Variants in LRRC49 observed in about 807,000 individuals in gnomAD.
The protein encoded by LRRC49 is leucine rich repeat containing 49.
In LRRC49, 50 loss-of-function variants were observed where a neutral mutation model predicts 83.3. The observed-to-expected ratio is 0.60, with a 90% CI of 0.48 to 0.76. LRRC49 has a LOEUF of 0.76. LRRC49 is among the 30% of genes least tolerant of loss of function. The probability of loss-of-function intolerance (pLI) is 0.00; values close to 1 mark genes in which losing one functional copy is unlikely to be tolerated. For missense variants in LRRC49, 704 were observed against 809.1 expected, an observed-to-expected ratio of 0.87 and a Z score of 1.58; for synonymous variants, 286 against 283.3, an observed-to-expected ratio of 1.01 and a Z score of -0.10.
At chr15:70,982,647 T>C (rs1195047780) in intron 10 of LRRC49, among the ~76,000 whole-genome samples, 1 of 152,142 alleles carries the variant, frequency 6.6e-6, no homozygotes, top group Non-Finnish European at 1.5e-5. Flanking sequence ...GGTCTTGCTG[T>C]GTTGCCCAGG....
intron 9 of LRRC49, among the ~76,000 whole-genome samples, chr15:70,979,697 T>C (rs2037331247): frequency 6.6e-6 from 1 of 152,128 alleles, no homozygotes; most frequent in Non-Finnish European, 1.5e-5. Flanking sequence ...AAAGTTCTGA[T>C]TTTCTATCAC....
chr15:70,903,143 A>G (rs1486759581), intron 4 of LRRC49, among the ~76,000 whole-genome samples: 1 of 152,178 alleles, frequency 6.6e-6, no homozygotes, highest in East Asian at 1.9e-4. Flanking sequence ...GAAAAAGAAA[A>G]AGACTGAAGC....
At position 70,911,440 on chromosome 15, in the gene LRRC49, A is replaced by T. The variant is rs534644700; in HGVS notation, c.501-92A>T. On this transcript the variant is annotated intron_variant, in intron 5 of 15. Transcript: ENST00000260382. ...ACTATATATGTAGATAGAGTAAATT[A>T]AAATGAGTTACACCTTTATGCCTTA... The T allele has an allele frequency of 7.3e-5, 47 of 646,454 alleles. No homozygotes were observed. The East Asian group carries it at 1.3e-3, about 18-fold the overall frequency. 40.0% of individuals were successfully genotyped at this position (646,454 alleles called of 1,614,324 possible).
intron 1 of LRRC49, chr15:70,858,851 G>C: frequency 1.3e-6 from 1 of 770,066 alleles, no homozygotes; most frequent in Non-Finnish European, 2.3e-6. Flanking sequence ...AGCAGCTTCT[G>C]GGGTGGCCTG....
intron 14 of LRRC49, among the ~76,000 whole-genome samples, chr15:71,031,610 A>G (rs774175208): frequency 4.6e-5 from 7 of 152,192 alleles, no homozygotes; most frequent in East Asian, 1.9e-4. Flanking sequence ...AGCTGTGCCC[A>G]TAGCCACCCC....
At chr15:70,882,550 G>C (rs999743278) in intron 2 of LRRC49, 4 of 1,613,644 alleles carry the variant, frequency 2.5e-6, no homozygotes, top group Non-Finnish European at 3.4e-6. Context: ...AATCACTGGA[G>C]TAAATGTCAA....
chr15:70,881,927 CAT>C (rs1239584433), intron 2 of LRRC49: 1 of 152,814 alleles, frequency 6.5e-6, no homozygotes. Context: ...CAGATCTATA[CAT>C]GTTACAAATG....
chr15:70,882,297 G>T, intron 2 of LRRC49: 2 of 606,930 alleles, frequency 3.3e-6, no homozygotes, highest in Non-Finnish European at 2.8e-6. Context: ...TCATTGTGTT[G>T]GCAAGCAAGC....
At chr15:70,971,963 G>A (rs565883424) in intron 9 of LRRC49, among the ~76,000 whole-genome samples, 2 of 151,992 alleles carry the variant, frequency 1.3e-5, no homozygotes, top group Admixed American at 6.5e-5. Flanking sequence ...CTTTTAACTG[G>A]GGCATTTAGC....
chr15:70,913,415 C>T (rs1429365133), intron 6 of LRRC49, among the ~76,000 whole-genome samples: 2 of 152,072 alleles, frequency 1.3e-5, no homozygotes, highest in Non-Finnish European at 2.9e-5. Context: ...GTGTTGGTGG[C>T]CTGGGAATTG....
intron 2 of LRRC49, among the ~76,000 whole-genome samples, chr15:70,877,586 T>C (rs2033177306): frequency 6.6e-6 from 1 of 152,254 alleles, no homozygotes; most frequent in Admixed American, 6.5e-5. Flanking sequence ...CCTTATCCAC[T>C]CACCTGTTGA....
intron 8 of LRRC49, among the ~76,000 whole-genome samples, chr15:70,942,450 A>T (rs1299064666): frequency 4.6e-5 from 7 of 152,230 alleles, no homozygotes; most frequent in Non-Finnish European, 1.0e-4. Context: ...TTCAAAGAAT[A>T]TTCAGAAACA....
At chr15:70,987,788 C>T (rs1189050558) in intron 11 of LRRC49, among the ~76,000 whole-genome samples, 1 of 151,928 alleles carries the variant, frequency 6.6e-6, no homozygotes, top group Non-Finnish European at 1.5e-5. Flanking sequence ...TATAAGTTTC[C>T]CTCTACACAC....
intron 11 of LRRC49, among the ~76,000 whole-genome samples, chr15:70,990,428 C>A (rs973944275): frequency 2.0e-5 from 3 of 152,180 alleles, no homozygotes; most frequent in Non-Finnish European, 4.4e-5. Flanking sequence ...GGGCATAGGA[C>A]CCTCCGAGCC....
chr15:70,936,395 C>T (rs2035597785), intron 7 of LRRC49: 2 of 176,740 alleles, frequency 1.1e-5, no homozygotes, highest in Non-Finnish European at 2.4e-5. Flanking sequence ...TTTTGAATGG[C>T]TTCTTTTTAA....
chr15:70,895,867 A>G lies in LRRC49; in HGVS notation c.124A>G (p.Lys42Glu), dbSNP rs1169001692. ...TTTTCAGGTTGAATTCAAGCTAAAT[A>G]AAGACACATCGTCATTCCCCGGTAG... The part of the protein sequence containing the change: ...EKNKVEFKLN[K>E]DTSSFPGRLL... The change falls in exon 3 of 16, where the codon AAA (lysine) becomes GAA (glutamate). Residue 42 changes from lysine to glutamate, a missense_variant. Physicochemically the swap from Lys to Glu is moderately conservative, Grantham distance 56. Around this residue, in one of 3 missense-constraint regions of LRRC49, gnomAD observed 261 missense variants for 330.5 expected, o/e 0.79. Coordinates refer to ENST00000260382, the MANE Select transcript of LRRC49 (RefSeq NM_017691.5). 1.9e-6 allele frequency: 3 copies of G among 1,609,516 alleles called. No individual in the cohort carries two copies. The highest frequency in any genetic ancestry group is 2.5e-6 in the Non-Finnish European group (3 of 1,178,038).
intron 6 of LRRC49, among the ~76,000 whole-genome samples, chr15:70,912,658 A>G (rs968499288): frequency 4.0e-5 from 6 of 151,278 alleles, no homozygotes; most frequent in African/African-American, 1.5e-4. Flanking sequence ...CTGAATTTCT[A>G]TATTTATTTT....
At chr15:70,926,429 C>G (rs2035200668) in intron 7 of LRRC49, among the ~76,000 whole-genome samples, 1 of 151,982 alleles carries the variant, frequency 6.6e-6, no homozygotes, top group Non-Finnish European at 1.5e-5. Context: ...TCTCATTTCT[C>G]TTAGGTAAAT....
intron 12 of LRRC49, 45 bp downstream of exon 12, chr15:71,008,661 T>C (rs199688423): frequency 7.2e-7 from 1 of 1,389,272 alleles, no homozygotes; most frequent in Non-Finnish European, 1.0e-6. Context: ...TCTTAGTCAA[T>C]GACTTGTGTG....
Sources: allele counts gnomAD v4.1 joint callset (sites outside exome capture counted in the v4.1 genomes callset), GRCh38; gene constraint gnomAD v4.1.1; regional missense constraint gnomAD v4.1.1; transcripts MANE v1.5; gene names NCBI Gene and HGNC (gene_info 2026-07-23, HGNC 2026-07-21).